Variants in RPS6KC1 observed in about 807,000 individuals in gnomAD.
The protein encoded by RPS6KC1 is inactive ribosomal protein S6 kinase delta-1.
RPS6KC1 carries 54 observed loss-of-function variants against 103.8 expected under a neutral mutation model. That is an observed-to-expected ratio of 0.52 (90% confidence interval 0.42 to 0.65). The LOEUF (loss-of-function observed/expected upper bound fraction) is 0.65, where lower values mean the gene tolerates loss of function less well. Ranked by LOEUF, RPS6KC1 falls within the 30% of genes least tolerant of loss-of-function variation. The pLI, the probability that RPS6KC1 is intolerant of heterozygous loss-of-function variation, is 0.00. For synonymous variants in RPS6KC1, 439 were observed against 438.7 expected, an observed-to-expected ratio of 1.00 and a Z score of -0.01; for missense variants, 1,151 against 1,253.8, an observed-to-expected ratio of 0.92 and a Z score of 1.24.
chr1:213,851,748 C>G, the RPS6KC1 span, among the ~76,000 whole-genome samples: 1 of 152,084 alleles, frequency 6.6e-6, no homozygotes, highest in Non-Finnish European at 1.5e-5. Context: ...CCCACCAAAT[C>G]TGCCCTTCTA....
chr1:213,311,949 G>A, the RPS6KC1 span, among the ~76,000 whole-genome samples: 3 of 149,542 alleles, frequency 2.0e-5, no homozygotes, highest in African/African-American at 7.4e-5. Flanking sequence ...CCAGGCTGGA[G>A]TGCAGTGGTG....
the RPS6KC1 span, among the ~76,000 whole-genome samples, chr1:213,618,406 T>C: frequency 6.6e-6 from 1 of 152,128 alleles, no homozygotes; most frequent in African/African-American, 2.4e-5. Flanking sequence ...GGCTCAGGGG[T>C]CAGACACCTG....
the RPS6KC1 span, among the ~76,000 whole-genome samples, chr1:213,603,518 C>A: frequency 2.9e-4 from 44 of 152,240 alleles, 1 homozygote; most frequent in African/African-American, 9.9e-4. Flanking sequence ...ACCTAACATC[C>A]AAGCGGCTTC....
chr1:213,495,272 C>G, the RPS6KC1 span, among the ~76,000 whole-genome samples: 2 of 152,042 alleles, frequency 1.3e-5, no homozygotes, highest in Admixed American at 6.6e-5. Flanking sequence ...TTGATTTAAA[C>G]TTCACACAAC....
the RPS6KC1 span, among the ~76,000 whole-genome samples, chr1:213,453,520 C>G: frequency 6.6e-6 from 1 of 152,040 alleles, no homozygotes; most frequent in Non-Finnish European, 1.5e-5. Flanking sequence ...GGAGGGTATT[C>G]TAGGCAGGGA....
At chr1:213,685,000 C>G in the RPS6KC1 span, among the ~76,000 whole-genome samples, 2,577 of 152,218 alleles carry the variant, frequency 0.017, 77 homozygotes, top group African/African-American at 0.056. Context: ...TCACTTGCAT[C>G]AAAAAACAGA....
At chr1:213,853,250 C>T in the RPS6KC1 span, among the ~76,000 whole-genome samples, 2 of 152,206 alleles carry the variant, frequency 1.3e-5, no homozygotes, top group Non-Finnish European at 2.9e-5. Context: ...TGGTGGAGGC[C>T]AGTGTGGTAA....
At chr1:213,170,717 A>G (rs1041571862) in intron 7 of RPS6KC1, among the ~76,000 whole-genome samples, 2 of 152,168 alleles carry the variant, frequency 1.3e-5, no homozygotes, top group African/African-American at 4.8e-5. Flanking sequence ...TTCCTTTTGT[A>G]TGTTATTTTG....
chr1:213,188,240 C>T (rs977922305), intron 8 of RPS6KC1, among the ~76,000 whole-genome samples: 1 of 151,906 alleles, frequency 6.6e-6, no homozygotes, highest in Non-Finnish European at 1.5e-5. Flanking sequence ...CTTGGGAACC[C>T]AAGATGTTGG....
chr1:213,188,827 C>T (rs1049629180), intron 8 of RPS6KC1, among the ~76,000 whole-genome samples: 9 of 122,148 alleles, frequency 7.4e-5, no homozygotes, highest in Admixed American at 2.4e-4. Context: ...TCAAATTTTC[C>T]GCAAGGTTTT....
intron 6 of RPS6KC1, among the ~76,000 whole-genome samples, chr1:213,152,651 G>A (rs1422564151): frequency 6.6e-6 from 1 of 151,682 alleles, no homozygotes; most frequent in Non-Finnish European, 1.5e-5. Context: ...GGGCGGCCGG[G>A]CAGAGACGCT....
chr1:213,523,030 T>C, the RPS6KC1 span, among the ~76,000 whole-genome samples: 1 of 152,224 alleles, frequency 6.6e-6, no homozygotes, highest in Non-Finnish European at 1.5e-5. Flanking sequence ...CTAAGCTTAA[T>C]CATTTCTAGG....
the RPS6KC1 span, among the ~76,000 whole-genome samples, chr1:213,507,673 T>C: frequency 1.6e-4 from 25 of 152,006 alleles, no homozygotes; most frequent in African/African-American, 5.6e-4. Context: ...TATTACAGCA[T>C]TGAGTGTTTT....
chr1:213,676,892 G>T, the RPS6KC1 span, among the ~76,000 whole-genome samples: 3 of 152,170 alleles, frequency 2.0e-5, no homozygotes, highest in Non-Finnish European at 4.4e-5. Flanking sequence ...AAATACAGGA[G>T]GCTCCAGTTG....
At chr1:213,683,719 A>G in the RPS6KC1 span, among the ~76,000 whole-genome samples, 1 of 151,938 alleles carries the variant, frequency 6.6e-6, no homozygotes, top group Non-Finnish European at 1.5e-5. Flanking sequence ...TGCCCCACCC[A>G]CTAGGGACCT....
chr1:213,427,047 A>C, the RPS6KC1 span, among the ~76,000 whole-genome samples: 1 of 152,194 alleles, frequency 6.6e-6, no homozygotes, highest in Non-Finnish European at 1.5e-5. Flanking sequence ...TAAATGCTCC[A>C]TCATGTTGGC....
the RPS6KC1 span, among the ~76,000 whole-genome samples, chr1:213,780,740 A>T: frequency 6.6e-6 from 1 of 152,160 alleles, no homozygotes; most frequent in Non-Finnish European, 1.5e-5. Context: ...CTAGGAAGTG[A>T]CAGCAGGGCT....
the RPS6KC1 span, among the ~76,000 whole-genome samples, chr1:213,555,987 A>G: frequency 6.6e-6 from 1 of 152,226 alleles, no homozygotes; most frequent in East Asian, 1.9e-4. Context: ...CTCCTTCTTC[A>G]AAAATCAGAG....
chr1:213,312,451 A>G, the RPS6KC1 span, among the ~76,000 whole-genome samples: 1 of 152,012 alleles, frequency 6.6e-6, no homozygotes, highest in African/African-American at 2.4e-5. Context: ...CTGGAAGGGG[A>G]TTTTCAGGGC....
Sources: gnomAD v4.1 joint callset for allele counts (sites outside exome capture counted in the v4.1 genomes callset) on GRCh38, gnomAD v4.1.1 for gene constraint, MANE v1.5 for transcripts, NCBI Gene and HGNC (gene_info 2026-07-23, HGNC 2026-07-21) for gene names.